CHRM3: variants seen among roughly 807,000 people sequenced by gnomAD.
CHRM3 encodes cholinergic receptor muscarinic 3, also known as muscarinic acetylcholine receptor M3.
A neutral mutation model predicts 41.8 loss-of-function variants in CHRM3; 11 were observed. The ratio of observed to expected loss-of-function variants is 0.26; its 90% CI spans 0.17 to 0.44. The LOEUF (loss-of-function observed/expected upper bound fraction) is 0.44, where lower values mean the gene tolerates loss of function less well. Ranked by LOEUF, CHRM3 falls within the 20% of genes least tolerant of loss-of-function variation. The pLI is 1.00. For synonymous variants in CHRM3, 297 were observed against 301.4 expected (o/e 0.99, Z 0.15); for missense variants, 571 against 745.4 (o/e 0.77, Z 2.72).
intron 5 of CHRM3, among the ~76,000 whole-genome samples, chr1:239,691,729 C>G (rs1333889911): frequency 6.6e-6 from 1 of 151,950 alleles, no homozygotes; most frequent in Non-Finnish European, 1.5e-5. Flanking sequence ...TTTCCTCAGT[C>G]GTGCTAATGT....
chr1:239,442,049 G>C (rs1663764412), intron 1 of CHRM3, among the ~76,000 whole-genome samples: 1 of 152,066 alleles, frequency 6.6e-6, no homozygotes, highest in African/African-American at 2.4e-5. Flanking sequence ...TACATAATAT[G>C]TATCTCTTCT....
intron 5 of CHRM3, among the ~76,000 whole-genome samples, chr1:239,698,077 A>G (rs1172874224): frequency 1.3e-5 from 2 of 152,116 alleles, no homozygotes; most frequent in Non-Finnish European, 2.9e-5. Flanking sequence ...CACAGGAGCA[A>G]TTTTTAAAAA....
At chr1:239,635,285 C>A (rs1223830678) in intron 4 of CHRM3, among the ~76,000 whole-genome samples, 1 of 152,198 alleles carries the variant, frequency 6.6e-6, no homozygotes, top group African/African-American at 2.4e-5. Flanking sequence ...CTATTTGAGA[C>A]CTTCTCAAAA....
intron 1 of CHRM3, among the ~76,000 whole-genome samples, chr1:239,400,496 G>T (rs758718360): frequency 1.7e-4 from 26 of 152,036 alleles, no homozygotes; most frequent in Admixed American, 7.2e-4. Context: ...TGTTGCCTGT[G>T]ATTTTGAGAT....
chr1:239,422,810 CAAAAACAA>C (rs1662061726), intron 1 of CHRM3, among the ~76,000 whole-genome samples: 1 of 144,288 alleles, frequency 6.9e-6, no homozygotes, highest in African/African-American at 2.9e-5. Context: ...AAAACAAAAA[CAAAAACAA>C]AAAACAGTTT....
intron 5 of CHRM3, among the ~76,000 whole-genome samples, chr1:239,745,933 G>T (rs977437307): frequency 1.3e-5 from 2 of 152,120 alleles, no homozygotes; most frequent in Admixed American, 1.3e-4. Flanking sequence ...AAAGGTGAGT[G>T]CATTGTAAAT....
intron 1 of CHRM3, among the ~76,000 whole-genome samples, chr1:239,432,882 C>G (rs1662936579): frequency 6.6e-6 from 1 of 152,098 alleles, no homozygotes; most frequent in African/African-American, 2.4e-5. Flanking sequence ...TTGGGCTTCC[C>G]AGGATGGTAT....
At chr1:239,398,317 C>A (rs1038547906) in intron 1 of CHRM3, among the ~76,000 whole-genome samples, 1 of 152,154 alleles carries the variant, frequency 6.6e-6, no homozygotes, top group African/African-American at 2.4e-5. Context: ...CCCACTGCAA[C>A]GTCTGCCTCC....
chr1:239,781,627 G>C (rs183156658), intron 5 of CHRM3, among the ~76,000 whole-genome samples: 12 of 152,026 alleles, frequency 7.9e-5, no homozygotes, highest in African/African-American at 2.9e-4. Context: ...TTGTGTTATT[G>C]CATTAGCTGG....
At chr1:239,451,822 A>G (rs1367832938) in intron 1 of CHRM3, among the ~76,000 whole-genome samples, 1 of 152,154 alleles carries the variant, frequency 6.6e-6, no homozygotes, top group East Asian at 1.9e-4. Context: ...AAAAGATGTG[A>G]TCTTGTTTTA....
chr1:239,667,580 C>T (rs956018766), intron 4 of CHRM3, among the ~76,000 whole-genome samples: 1 of 152,184 alleles, frequency 6.6e-6, no homozygotes, highest in Non-Finnish European at 1.5e-5. Context: ...AAAATTTAGA[C>T]TCCACGAAGA....
At chr1:239,463,327 G>A (rs1665495556) in intron 1 of CHRM3, among the ~76,000 whole-genome samples, 1 of 152,106 alleles carries the variant, frequency 6.6e-6, no homozygotes, top group Non-Finnish European at 1.5e-5. Flanking sequence ...GAAAGGGTAT[G>A]CCCTGAATGA....
intron 5 of CHRM3, among the ~76,000 whole-genome samples, chr1:239,685,191 T>C (rs940319605): frequency 2.6e-5 from 4 of 152,188 alleles, no homozygotes; most frequent in Non-Finnish European, 4.4e-5. Flanking sequence ...GCCACAGAAC[T>C]CCAGCCGGGA....
rs75628174 is a variant in CHRM3, at chr1:239,406,384, A to G, written c.-521+19157A>G. Reference sequence around the variant, plus strand: ...ACAAACGCTTTATTTTCCAGTGATGACAGAAGAAACAAAGAAATTTGATAC... The same window carrying G: ...ACAAACGCTTTATTTTCCAGTGATGGCAGAAGAAACAAAGAAATTTGATAC... On this transcript the variant is annotated intron_variant, in intron 1 of 6. Coordinates refer to ENST00000676153, the MANE Select transcript of CHRM3 (RefSeq NM_001375978.1). 8.3e-3 allele frequency among the ~76,000 whole-genome samples: 1,268 copies of G among 152,296 alleles called. 44 individuals are homozygous for G. Among genetic ancestry groups the G allele is most frequent in the East Asian group, 0.075 (387 of 5,180 alleles).
At chr1:239,906,756 T>C (rs1679995871) in intron 6 of CHRM3, among the ~76,000 whole-genome samples, 2 of 152,170 alleles carry the variant, frequency 1.3e-5, no homozygotes, top group African/African-American at 4.8e-5. Flanking sequence ...GCTGGTTTGG[T>C]CCATTCAAAA....
chr1:239,794,380 G>A (rs1572317006), intron 5 of CHRM3, among the ~76,000 whole-genome samples: 2 of 135,488 alleles, frequency 1.5e-5, no homozygotes, highest in Non-Finnish European at 3.1e-5. Context: ...TTATTAATTC[G>A]TTTGTTGTTT....
At chr1:239,525,843 A>G (rs1489125809) in intron 2 of CHRM3, among the ~76,000 whole-genome samples, 1 of 152,196 alleles carries the variant, frequency 6.6e-6, no homozygotes, top group East Asian at 1.9e-4. Context: ...TTGCTTCCCC[A>G]GTGGTTCTCC....
intron 6 of CHRM3, among the ~76,000 whole-genome samples, chr1:239,900,513 C>T (rs1035742124): frequency 1.3e-5 from 2 of 151,646 alleles, no homozygotes; most frequent in Admixed American, 6.6e-5. Flanking sequence ...CCCAAGGCCT[C>T]GGAGAAGTTC....
chr1:239,807,520 A>C (rs112323588), intron 5 of CHRM3, among the ~76,000 whole-genome samples: 118 of 152,342 alleles, frequency 7.7e-4, no homozygotes, highest in Middle Eastern at 3.4e-3. Context: ...GAAGCCTTGG[A>C]GAAGTGAATG....
Sources: gnomAD v4.1 joint callset for allele counts (sites outside exome capture counted in the v4.1 genomes callset) on GRCh38, gnomAD v4.1.1 for gene constraint, MANE v1.5 for transcripts, NCBI Gene and HGNC (gene_info 2026-07-23, HGNC 2026-07-21) for gene names.